LRRN1: variants seen among roughly 807,000 people sequenced by gnomAD.
LRRN1 encodes the protein leucine rich repeat neuronal 1.
LRRN1 carries 14 observed loss-of-function variants against 45.8 expected under a neutral mutation model. That is an observed-to-expected ratio of 0.31 (90% CI 0.20 to 0.48). The LOEUF is 0.48. Ranked by LOEUF, LRRN1 falls within the 20% of genes least tolerant of loss-of-function variation. The probability of loss-of-function intolerance (pLI) is 0.99; values close to 1 mark genes in which losing one functional copy is unlikely to be tolerated. For synonymous variants in LRRN1, 359 were observed against 330.1 expected (o/e 1.09, Z -0.95); for missense variants, 789 against 874.2 (o/e 0.90, Z 1.23).
chr3:3,826,786 G>A (rs537221894), intron 1 of LRRN1, among the ~76,000 whole-genome samples: 1 of 152,230 alleles, frequency 6.6e-6, no homozygotes, highest in African/African-American at 2.4e-5. Flanking sequence ...AAAAGTCTAA[G>A]AAACTAATGT....
chr3:3,828,938 A>G (rs1163761188), intron 1 of LRRN1, among the ~76,000 whole-genome samples: 1 of 148,498 alleles, frequency 6.7e-6, no homozygotes, highest in Non-Finnish European at 1.5e-5. Flanking sequence ...TACCCATTCT[A>G]TATTCCCTTT....
At chr3:3,802,556 T>A (rs955426282) in intron 1 of LRRN1, among the ~76,000 whole-genome samples, 4 of 152,242 alleles carry the variant, frequency 2.6e-5, no homozygotes, top group African/African-American at 9.6e-5. Context: ...ATTTTACATG[T>A]TCCTTTAAGT....
chr3:3,807,066 C>G (rs1692776797), intron 1 of LRRN1, among the ~76,000 whole-genome samples: 1 of 152,160 alleles, frequency 6.6e-6, no homozygotes, highest in South Asian at 2.1e-4. Flanking sequence ...CATGCTAGCT[C>G]TTGGGTTACC....
intron 1 of LRRN1, among the ~76,000 whole-genome samples, chr3:3,800,500 G>C (rs62247369): frequency 1.3e-5 from 2 of 151,520 alleles, no homozygotes; most frequent in Non-Finnish European, 2.9e-5. Context: ...TGAAGTCAGA[G>C]CCTTGGGAAG....
At chr3:3,802,111 C>T (rs952418870) in intron 1 of LRRN1, among the ~76,000 whole-genome samples, 1 of 152,204 alleles carries the variant, frequency 6.6e-6, no homozygotes, top group African/African-American at 2.4e-5. Flanking sequence ...ATGCAACTGT[C>T]CCAACCCTAG....
In LRRN1 at chr3:3,846,747, C is replaced by G; in HGVS notation, c.2106C>G (p.Thr702=). The G allele has an allele frequency of 6.2e-7, 1 of 1,612,904 alleles. No homozygotes were observed. The highest frequency in any genetic ancestry group is 1.1e-5 in the South Asian group (1 of 90,724). The change falls in exon 2 of 2, where the codon ACC becomes ACG. Residue 702 remains threonine, a synonymous_variant. Transcript: ENST00000319331. This position sits in a 1 kb window ranked among gnomAD's most constrained non-coding sequence, Gnocchi z 5.7. ...AAGACAAAGATGGTTCTGCAGACAC[C>G]AAGCCAACCCAGGTCGACACATCCA... is the stretch of plus-strand genomic sequence containing the variant. ...SEKDKDGSAD[T]KPTQVDTSRS...
At chr3:3,838,684 T>C (rs2106468361) in intron 1 of LRRN1, among the ~76,000 whole-genome samples, 1 of 152,288 alleles carries the variant, frequency 6.6e-6, no homozygotes, top group African/African-American at 2.4e-5. Flanking sequence ...TCCTTTCCAA[T>C]GCCTGTTATT....
At chr3:3,827,894 A>G (rs1242670050) in intron 1 of LRRN1, among the ~76,000 whole-genome samples, 1 of 152,086 alleles carries the variant, frequency 6.6e-6, no homozygotes, top group Non-Finnish European at 1.5e-5. Flanking sequence ...TATTAATTTC[A>G]ATGATAATGG....
intron 1 of LRRN1, among the ~76,000 whole-genome samples, chr3:3,829,009 T>C (rs1693302555): frequency 7.0e-6 from 1 of 143,296 alleles, no homozygotes; most frequent in South Asian, 2.3e-4. Flanking sequence ...TTTTTTTTCC[T>C]GGTGGAGTGA....
chr3:3,845,811 C>G lies in LRRN1; in HGVS notation c.1170C>G (p.Arg390=). ...HWINSNKTNI[R]FMEPLSMFCA... The stretch of plus-strand genomic sequence containing the variant: ...TTAACTCCAACAAAACCAACATCCG[C>G]TTCATGGAGCCCCTGTCCATGTTCT... The change falls in exon 2 of 2, where the codon CGC becomes CGG. Residue 390 remains arginine (R), a synonymous_variant. Transcript: ENST00000319331. The surrounding 1 kb of genome is among the most constrained non-coding windows in gnomAD (Gnocchi z 6.5). 6.2e-7 allele frequency: 1 copy of G among 1,614,140 alleles called. No homozygotes were observed. The highest frequency in any genetic ancestry group is 8.5e-7 in the Non-Finnish European group (1 of 1,180,030).
chr3:3,822,189 G>A (rs1459906690), intron 1 of LRRN1, among the ~76,000 whole-genome samples: 5 of 152,184 alleles, frequency 3.3e-5, no homozygotes, highest in African/African-American at 7.2e-5. Flanking sequence ...ACCTCATAGC[G>A]TTGCAAGCAT....
chr3:3,809,745 A>T (rs1692838756), intron 1 of LRRN1, among the ~76,000 whole-genome samples: 1 of 152,158 alleles, frequency 6.6e-6, no homozygotes, highest in African/African-American at 2.4e-5. Flanking sequence ...CAAAATGGGG[A>T]TGATAATAGA....
At position 3,844,836 on chromosome 3, in the gene LRRN1, G is replaced by A; in HGVS notation, c.195G>A (p.Arg65=). 6.2e-7 allele frequency: 1 copy of A among 1,614,168 alleles called. No homozygotes were observed. The highest frequency in any genetic ancestry group is 8.5e-7 in the Non-Finnish European group (1 of 1,180,030). The change falls in exon 2 of 2, where the codon AGG becomes AGA. Residue 65 remains arginine (R), a synonymous_variant. Coordinates refer to ENST00000319331, the MANE Select transcript of LRRN1 (RefSeq NM_020873.7). ...ATTGCAATGACCTCCGCTTAACAAG[G>A]ATTCCCAGTAACCTCTCTAGTGACA... ...TVDCNDLRLT[R]IPSNLSSDTQ...
In LRRN1 at chr3:3,829,607, A is replaced by G. The variant is rs192785482; in HGVS notation, c.-278-14757A>G. 3.9e-5 allele frequency among the ~76,000 whole-genome samples: 6 copies of G among 152,328 alleles called. No homozygotes were observed. In the East Asian group the frequency reaches 1.2e-3, roughly 29 times the overall value. ...TTGGCATTTTAATTGTGACTTCAAA[A>G]GGCCATTCCACTGTTCTGTCAATCC... On this transcript the variant is annotated intron_variant, in intron 1 of 1. Transcript: ENST00000319331.
intron 1 of LRRN1, among the ~76,000 whole-genome samples, chr3:3,818,596 T>C (rs1285246657): frequency 6.6e-6 from 1 of 152,218 alleles, no homozygotes; most frequent in African/African-American, 2.4e-5. Context: ...TCATAGAATC[T>C]TGGGTTTAAA....
At chr3:3,833,694 G>A (rs1693421412) in intron 1 of LRRN1, among the ~76,000 whole-genome samples, 2 of 152,166 alleles carry the variant, frequency 1.3e-5, no homozygotes, top group African/African-American at 4.8e-5. Context: ...ACTGCCTCAG[G>A]AGAGAGGCCA....
intron 1 of LRRN1, chr3:3,823,018 G>C (rs992130975): frequency 2.6e-5 from 4 of 152,124 alleles, no homozygotes; most frequent in African/African-American, 9.7e-5. Flanking sequence ...CCTTACCCAA[G>C]GGATAGAGGA....
chr3:3,836,880 C>G (rs906348139), intron 1 of LRRN1, among the ~76,000 whole-genome samples: 1 of 152,080 alleles, frequency 6.6e-6, no homozygotes, highest in South Asian at 2.1e-4. Flanking sequence ...TGTGGTTGGC[C>G]TGCTATTAAG....
intron 1 of LRRN1, among the ~76,000 whole-genome samples, chr3:3,821,176 G>C (rs1693097852): frequency 6.6e-6 from 1 of 152,186 alleles, no homozygotes; most frequent in Non-Finnish European, 1.5e-5. Context: ...TGGAGATATA[G>C]GGCTGTGCAT....
Sources: allele counts gnomAD v4.1 joint callset (sites outside exome capture counted in the v4.1 genomes callset), GRCh38; gene constraint gnomAD v4.1.1; non-coding constraint Gnocchi (gnomAD v3.1); transcripts MANE v1.5; gene names NCBI Gene and HGNC (gene_info 2026-07-23, HGNC 2026-07-21).